The following GAB4 variants were observed in gnomAD, a reference collection of about 807,000 sequenced individuals.
GAB4 encodes the protein GRB2-associated-binding protein 4.
GAB4 carries 26 observed loss-of-function variants against 51.3 expected under a neutral mutation model. That is an observed-to-expected ratio of 0.51 (90% confidence interval 0.37 to 0.70). GAB4 has a LOEUF of 0.70. Ranked by LOEUF, GAB4 falls within the 30% of genes least tolerant of loss-of-function variation. The probability of loss-of-function intolerance (pLI) is 0.00; values close to 1 mark genes in which losing one functional copy is unlikely to be tolerated. For synonymous variants in GAB4, 329 were observed against 291.2 expected (o/e 1.13, Z -1.32); for missense variants, 759 against 734.6 (o/e 1.03, Z -0.38).
intron 3 of GAB4, among the ~76,000 whole-genome samples, chr22:16,971,697 G>T (rs1396420298): frequency 6.6e-6 from 1 of 152,170 alleles, no homozygotes; most frequent in African/African-American, 2.4e-5. Flanking sequence ...GGTTTCTAGG[G>T]GTCACAGCCC....
chr22:16,970,198 G>C lies in GAB4; in HGVS notation c.687-5C>G, dbSNP rs146480808. 2.5e-5 allele frequency: 40 copies of C among 1,613,806 alleles called. No homozygotes were observed. The African/African-American group carries it at 4.9e-4, about 20-fold the overall frequency. On this transcript the variant is annotated splice_polypyrimidine_tract_variant and splice_region_variant and intron_variant, in intron 3 of 9. Coordinates refer to ENST00000400588, the MANE Select transcript of GAB4 (RefSeq NM_001037814.1). Reference sequence around the variant, plus strand: ...CCCTGGGAGAAGCTGGCACTCCTAAGAGAGAGAAAGAAGGGAAGGGGCAGG... The same window carrying C: ...CCCTGGGAGAAGCTGGCACTCCTAACAGAGAGAAAGAAGGGAAGGGGCAGG...
intron 4 of GAB4, 171 bp downstream of exon 4, chr22:16,969,772 C>G: frequency 2.5e-6 from 2 of 800,592 alleles, no homozygotes; most frequent in Non-Finnish European, 4.1e-6. Context: ...GGAAGGGAGG[C>G]TATGGGCCCA....
chr22:16,994,409 C>T (rs2060935598), intron 1 of GAB4, among the ~76,000 whole-genome samples: 3 of 152,206 alleles, frequency 2.0e-5, no homozygotes, highest in Admixed American at 6.5e-5. Context: ...TACTTATTTA[C>T]AGTCACCTGA....
intron 3 of GAB4, among the ~76,000 whole-genome samples, chr22:16,977,992 A>AGACAC (rs57013063): frequency 0.49 from 74,302 of 151,606 alleles, 18,235 homozygotes; most frequent in Admixed American, 0.58. Flanking sequence ...ATGAGAACAA[A>AGACAC]GACACAATGT....
chr22:16,964,835 T>C lies in GAB4; in HGVS notation c.1407A>G (p.Gln469=). 6.2e-7 allele frequency: 1 copy of C among 1,613,876 alleles called. No homozygotes were observed. The highest frequency in any genetic ancestry group is 8.5e-7 in the Non-Finnish European group (1 of 1,179,916). ...TGATGCTCTGCGTGGAGATGGGGTG[T>C]TGGGAGGAGCTGGAGTCAAAGGTGT... ...TSHTFDSSSS[Q]HPISTQSITN... is the part of the protein sequence containing the mutation. Residue 469 remains glutamine (Q), a synonymous_variant, in exon 8 of 10, where the codon CAA becomes CAG. Transcript: ENST00000400588.
At chr22:16,981,045 ATACT>A (rs1004373375) in intron 3 of GAB4, among the ~76,000 whole-genome samples, 15 of 152,128 alleles carry the variant, frequency 9.9e-5, no homozygotes, top group African/African-American at 3.4e-4. Flanking sequence ...ATTAGGAGAA[ATACT>A]TAATGTAGAT....
chr22:16,983,277 CT>C (rs2123688490), intron 3 of GAB4, among the ~76,000 whole-genome samples: 2 of 152,288 alleles, frequency 1.3e-5, no homozygotes, highest in East Asian at 1.9e-4. Flanking sequence ...CATTGGCCCC[CT>C]GGTCCCACTT....
intron 2 of GAB4, among the ~76,000 whole-genome samples, chr22:16,990,376 G>C (rs1302322950): frequency 6.6e-6 from 1 of 152,086 alleles, no homozygotes; most frequent in African/African-American, 2.4e-5. Context: ...TCAGAATCAA[G>C]CCCAGTGTGT....
intron 3 of GAB4, among the ~76,000 whole-genome samples, chr22:16,975,136 G>T (rs560420131): frequency 6.6e-6 from 1 of 152,152 alleles, no homozygotes; most frequent in East Asian, 1.9e-4. Context: ...CCCTAGTGGC[G>T]CCTGGAATGC....
Position 16,963,737 on chromosome 22 carries a change from G to A in GAB4, c.1569C>T (p.Phe523=). The A allele has an allele frequency of 6.2e-7, 1 of 1,613,322 alleles. No homozygotes were observed. Among genetic ancestry groups the A allele is most frequent in the African/African-American group, 1.3e-5 (1 of 75,014 alleles). The change falls in exon 9 of 10, where the codon TTC becomes TTT. Residue 523 remains phenylalanine, a synonymous_variant. Transcript: ENST00000400588. The part of the protein sequence containing the change: ...TGNIHYAALD[F]QPSKPSIGSV... ...CCACCCCAGGCACCTTGCTCGGCTG[G>A]AAGTCCAGGGCCGCGTAGTGGATGT...
chr22:16,981,397 C>CA (rs1483976980), intron 3 of GAB4, among the ~76,000 whole-genome samples: 1 of 151,628 alleles, frequency 6.6e-6, no homozygotes, highest in Non-Finnish European at 1.5e-5. Context: ...GCTAGATTAA[C>CA]AAAAAATGAG....
At position 16,966,332 on chromosome 22, in the gene GAB4, G is replaced by C; in HGVS notation, c.1056C>G (p.Ser352Arg). The C allele has an allele frequency of 6.2e-7, 1 of 1,613,424 alleles. No individual in the cohort carries two copies. The highest frequency in any genetic ancestry group is 8.5e-7 in the Non-Finnish European group (1 of 1,179,784). Reference sequence around the variant, plus strand: ...GCACACAGCTGCCCTCAGAAGCAATGCTGTCTGACAGGCCCACAAGCGTTC... The same window carrying C: ...GCACACAGCTGCCCTCAGAAGCAATCCTGTCTGACAGGCCCACAAGCGTTC... ...PGRTLVGLSD[S>R]IASEGSCVPM... Residue 352 changes from serine (S) to arginine (R), a missense_variant, in exon 6 of 10, where the codon AGC becomes AGG. Transcript: ENST00000400588.
intron 3 of GAB4, among the ~76,000 whole-genome samples, chr22:16,986,826 G>A (rs1177533260): frequency 3.9e-5 from 6 of 152,324 alleles, no homozygotes; most frequent in South Asian, 2.1e-4. Context: ...CGAAGGAATC[G>A]CATTGCTTCA....
At chr22:16,986,548 A>G (rs183083961) in intron 3 of GAB4, among the ~76,000 whole-genome samples, 1 of 152,178 alleles carries the variant, frequency 6.6e-6, no homozygotes, top group Non-Finnish European at 1.5e-5. Flanking sequence ...AAGGAAGTTG[A>G]AGGTCAAAGA....
rs1179420170 is a variant in GAB4, at chr22:16,965,179, T to A, written c.1378A>T (p.Ser460Cys). 2 of 1,610,638 alleles carry A rather than the reference T, an allele frequency of 1.2e-6. No homozygotes were observed. The highest frequency in any genetic ancestry group is 2.7e-5 in the African/African-American group (2 of 74,826). Reference sequence around the variant, plus strand: ...CTGTTTCCACTGACAGACACTCACCTGGTCCCAGACCAGGGCTCTGTGACA... The same window carrying A: ...CTGTTTCCACTGACAGACACTCACCAGGTCCCAGACCAGGGCTCTGTGACA... ...PPVTEPWSGT[S>C]HTFDSSSSQH... The change falls in exon 7 of 10, where the codon AGC becomes TGC. Residue 460 changes from serine to cysteine, a missense_variant and splice_region_variant. This residue lies in a region of GAB4 where 588 missense variants were observed against 510.2 expected (regional missense o/e 1.15). Transcript: ENST00000400588.
chr22:17,004,671 CG>C (rs1008767010), intron 1 of GAB4, among the ~76,000 whole-genome samples: 19 of 150,592 alleles, frequency 1.3e-4, no homozygotes, highest in African/African-American at 4.7e-4. Flanking sequence ...ATTGATGGAA[CG>C]TATCTCAAAA....
chr22:16,966,457 G>A (rs537653215), intron 5 of GAB4, 93 bp from the exon 6 acceptor site: 28 of 1,320,854 alleles, frequency 2.1e-5, no homozygotes, highest in Admixed American at 1.4e-4. Flanking sequence ...GAGTCATGAC[G>A]GGGTGTTTTG....
At chr22:17,003,220 C>T (rs1324415837) in intron 1 of GAB4, among the ~76,000 whole-genome samples, 1 of 152,204 alleles carries the variant, frequency 6.6e-6, no homozygotes, top group Admixed American at 6.5e-5. Flanking sequence ...GACTCCCACA[C>T]AGTAATAGTG....
At chr22:17,000,037 G>T (rs112312987) in intron 1 of GAB4, among the ~76,000 whole-genome samples, 3,362 of 152,174 alleles carry the variant, frequency 0.022, 58 homozygotes, top group Middle Eastern at 0.068. Flanking sequence ...TTTCTACATT[G>T]GCTGAGGAGT....
Sources: allele counts gnomAD v4.1 joint callset (sites outside exome capture counted in the v4.1 genomes callset), GRCh38; gene constraint gnomAD v4.1.1; regional missense constraint gnomAD v4.1.1; transcripts MANE v1.5; gene names NCBI Gene and HGNC (gene_info 2026-07-23, HGNC 2026-07-21).